TSPAN11: variants seen among roughly 807,000 people sequenced by gnomAD.
TSPAN11 encodes tetraspanin-11.
TSPAN11 carries 29 observed loss-of-function variants against 32.9 expected under a neutral mutation model. That is an observed-to-expected ratio of 0.88 (90% CI 0.66 to 1.20). The LOEUF (loss-of-function observed/expected upper bound fraction) is 1.20, where lower values mean the gene tolerates loss of function less well. TSPAN11 is among the 50% of genes most tolerant of loss of function. The pLI is 0.00. For synonymous variants in TSPAN11, 140 were observed against 141.3 expected (o/e 0.99, Z 0.07); for missense variants, 283 against 329.1 (o/e 0.86, Z 1.08).
intron 1 of TSPAN11, among the ~76,000 whole-genome samples, chr12:30,942,241 A>G (rs781064220): frequency 6.6e-6 from 1 of 152,244 alleles, no homozygotes; most frequent in Admixed American, 6.5e-5. Context: ...ATTGAAGTGC[A>G]TACTGTTCTT....
chr12:30,938,496 G>T (rs1438129670), intron 1 of TSPAN11, among the ~76,000 whole-genome samples: 1 of 152,252 alleles, frequency 6.6e-6, no homozygotes, highest in Non-Finnish European at 1.5e-5. Flanking sequence ...TACTAGAAAT[G>T]AGAGCTAGAA....
intron 7 of TSPAN11, among the ~76,000 whole-genome samples, chr12:30,987,283 G>C (rs528900839): frequency 6.6e-6 from 1 of 152,268 alleles, no homozygotes; most frequent in African/African-American, 2.4e-5. Flanking sequence ...CAGAGCCCCA[G>C]GGCAGTGGTC....
At chr12:30,950,420 AT>A (rs1279764295) in intron 1 of TSPAN11, among the ~76,000 whole-genome samples, 1 of 152,214 alleles carries the variant, frequency 6.6e-6, no homozygotes, top group Non-Finnish European at 1.5e-5. Context: ...TTATCAATAA[AT>A]TAGCGGGGGC....
chr12:30,944,929 A>T (rs569770922), intron 1 of TSPAN11, among the ~76,000 whole-genome samples: 1 of 152,252 alleles, frequency 6.6e-6, no homozygotes, highest in Admixed American at 6.5e-5. Flanking sequence ...AGCTGATAGG[A>T]TCCTAAGAGT....
intron 3 of TSPAN11, among the ~76,000 whole-genome samples, chr12:30,974,981 T>G: frequency 6.6e-6 from 1 of 152,288 alleles, no homozygotes; most frequent in East Asian, 1.9e-4. Context: ...GAGCCAAGAC[T>G]GAGCCGAGCT....
intron 2 of TSPAN11, 84 bp downstream of exon 2, chr12:30,954,159 A>G: frequency 1.0e-6 from 1 of 952,458 alleles, no homozygotes; most frequent in Non-Finnish European, 1.7e-6. Flanking sequence ...CACCACTTTG[A>G]GGTTGATATC....
intron 1 of TSPAN11, among the ~76,000 whole-genome samples, chr12:30,947,421 G>A (rs772992293): frequency 2.0e-5 from 3 of 152,080 alleles, no homozygotes; most frequent in South Asian, 2.1e-4. Context: ...GTATTAGTCC[G>A]TTTTCATGCT....
At chr12:30,928,920 G>A (rs769810218) in intron 1 of TSPAN11, among the ~76,000 whole-genome samples, 8 of 152,202 alleles carry the variant, frequency 5.3e-5, no homozygotes, top group South Asian at 2.1e-4. Context: ...CCTTTGTGCC[G>A]TTGCCTGCTG....
At chr12:31,006,964 C>T in the TSPAN11 span, among the ~76,000 whole-genome samples, 4 of 152,214 alleles carry the variant, frequency 2.6e-5, no homozygotes, top group South Asian at 2.1e-4. Flanking sequence ...AGCTTCTACC[C>T]GCACTTGCAC....
At chr12:31,014,463 G>A in the TSPAN11 span, among the ~76,000 whole-genome samples, 1 of 152,080 alleles carries the variant, frequency 6.6e-6, no homozygotes, top group Non-Finnish European at 1.5e-5. Flanking sequence ...AAGACCACAT[G>A]GCATTTTTTT....
chr12:31,006,725 C>T, the TSPAN11 span, among the ~76,000 whole-genome samples: 1 of 152,260 alleles, frequency 6.6e-6, no homozygotes. Flanking sequence ...AGCAGGTAAA[C>T]TGAGGCCAGT....
chr12:30,947,897 G>T (rs1938301072), intron 1 of TSPAN11, among the ~76,000 whole-genome samples: 1 of 152,170 alleles, frequency 6.6e-6, no homozygotes, highest in Non-Finnish European at 1.5e-5. Flanking sequence ...GACAAGGCAA[G>T]TCCCTTCCGC....
At chr12:30,930,247 C>T (rs1325654532) in intron 1 of TSPAN11, among the ~76,000 whole-genome samples, 1 of 152,140 alleles carries the variant, frequency 6.6e-6, no homozygotes, top group Non-Finnish European at 1.5e-5. Context: ...CTGCTGTGAG[C>T]TTTGAACCTC....
At chr12:30,970,231 G>A (rs574409409) in intron 3 of TSPAN11, among the ~76,000 whole-genome samples, 1 of 152,320 alleles carries the variant, frequency 6.6e-6, no homozygotes, top group South Asian at 2.1e-4. Flanking sequence ...CCTGTTGGGG[G>A]TCTGGCCCTC....
downstream of TSPAN11, chr12:30,996,968 T>A (rs1175454505): frequency 1.3e-5 from 2 of 152,194 alleles, no homozygotes; most frequent in East Asian, 3.9e-4. Flanking sequence ...TGCAGTGAGC[T>A]CTTACCACTG....
At chr12:30,988,699 C>T (rs1256801433) in intron 7 of TSPAN11, 1 of 152,208 alleles carries the variant, frequency 6.6e-6, no homozygotes, top group African/African-American at 2.4e-5. Flanking sequence ...ATTTTTAAGC[C>T]TCCCAGCTGG....
intron 7 of TSPAN11, among the ~76,000 whole-genome samples, 171 bp downstream of exon 7, chr12:30,983,321 C>T (rs35088): frequency 0.26 from 39,719 of 152,122 alleles, 5,304 homozygotes; most frequent in Middle Eastern, 0.36. Flanking sequence ...CTGAATCCCA[C>T]GGTCAGTCTC....
At chr12:30,937,707 C>G (rs564097574) in intron 1 of TSPAN11, among the ~76,000 whole-genome samples, 11 of 152,334 alleles carry the variant, frequency 7.2e-5, no homozygotes, top group Admixed American at 2.6e-4. Context: ...CCCAGACCAA[C>G]AGCATCAGCC....
chr12:30,928,474 G>A (rs181134609), intron 1 of TSPAN11, among the ~76,000 whole-genome samples: 1 of 152,312 alleles, frequency 6.6e-6, no homozygotes, highest in East Asian at 1.9e-4. Flanking sequence ...AAGAAGGAGG[G>A]AGGCATCAAA....
Sources: gnomAD v4.1 joint callset for allele counts (sites outside exome capture counted in the v4.1 genomes callset) on GRCh38, gnomAD v4.1.1 for gene constraint, MANE v1.5 for transcripts, NCBI Gene and HGNC (gene_info 2026-07-23, HGNC 2026-07-21) for gene names.